Variants in LGSN observed in about 807,000 individuals in gnomAD.
LGSN encodes the protein lengsin.
A neutral mutation model predicts 19.5 loss-of-function variants in LGSN; 21 were observed. That is an observed-to-expected ratio of 1.07 (90% CI 0.76 to 1.55). The LOEUF (loss-of-function observed/expected upper bound fraction) is 1.55, where lower values mean the gene tolerates loss of function less well. Among genes scored for constraint, LGSN ranks in the 40% most tolerant of loss-of-function variants. The pLI, the probability that LGSN is intolerant of heterozygous loss-of-function variation, is 0.00. For missense variants in LGSN, 673 were observed against 608.5 expected (o/e 1.11, Z -1.12); for synonymous variants, 257 against 215.6 (o/e 1.19, Z -1.68).
the LGSN span, among the ~76,000 whole-genome samples, chr6:63,471,509 T>C: frequency 6.6e-6 from 1 of 151,406 alleles, no homozygotes; most frequent in African/African-American, 2.4e-5. Flanking sequence ...CTACTAAAAA[T>C]ACAAAAATTA....
upstream of LGSN, among the ~76,000 whole-genome samples, chr6:63,323,891 CCTCCCAGA>C (rs1212049417): frequency 6.6e-6 from 1 of 151,482 alleles, no homozygotes; most frequent in African/African-American, 2.4e-5. Context: ...CCTGCCTCAG[CCTCCCAGA>C]TAGCTGGGAT....
chr6:63,554,477 C>T, the LGSN span, among the ~76,000 whole-genome samples: 1 of 152,122 alleles, frequency 6.6e-6, no homozygotes, highest in African/African-American at 2.4e-5. Context: ...TCTCAGCCTT[C>T]CCATAGCACA....
chr6:63,527,619 T>C, the LGSN span, among the ~76,000 whole-genome samples: 1 of 152,224 alleles, frequency 6.6e-6, no homozygotes, highest in Non-Finnish European at 1.5e-5. Context: ...CGGTGACAAC[T>C]CTTCCATTTT....
chr6:63,367,200 G>A, the LGSN span, among the ~76,000 whole-genome samples: 1 of 152,120 alleles, frequency 6.6e-6, no homozygotes, highest in Non-Finnish European at 1.5e-5. Flanking sequence ...ATCTGACAAA[G>A]GGCTAATATC....
At chr6:63,460,039 G>T in the LGSN span, among the ~76,000 whole-genome samples, 54 of 150,174 alleles carry the variant, frequency 3.6e-4, no homozygotes, top group Non-Finnish European at 1.2e-4. Context: ...TCTCCTTCTG[G>T]GCCTTTTCCA....
chr6:63,390,764 C>T, the LGSN span, among the ~76,000 whole-genome samples: 4 of 148,380 alleles, frequency 2.7e-5, no homozygotes, highest in East Asian at 8.0e-4. Flanking sequence ...GAGGCTGAGG[C>T]AGGAGAATGG....
the LGSN span, among the ~76,000 whole-genome samples, chr6:63,490,900 A>T: frequency 6.6e-6 from 1 of 152,162 alleles, no homozygotes; most frequent in Admixed American, 6.6e-5. Context: ...AAAAGTGCAG[A>T]TATCCAAGGG....
upstream of LGSN, among the ~76,000 whole-genome samples, chr6:63,324,362 G>A (rs930970734): frequency 2.0e-5 from 3 of 152,156 alleles, no homozygotes; most frequent in Non-Finnish European, 4.4e-5. Flanking sequence ...TTCCTTTTGT[G>A]CAAAATGTGG....
chr6:63,526,085 G>A, the LGSN span, among the ~76,000 whole-genome samples: 25 of 152,166 alleles, frequency 1.6e-4, no homozygotes, highest in Middle Eastern at 3.4e-3. Context: ...AACATTTTAG[G>A]AGGCCAAGGC....
At chr6:63,573,005 G>GGTCC in the LGSN span, among the ~76,000 whole-genome samples, 1 of 152,118 alleles carries the variant, frequency 6.6e-6, no homozygotes, top group Non-Finnish European at 1.5e-5. Flanking sequence ...GGGGCGGCGC[G>GGTCC]GTCCGGCTTC....
At chr6:63,416,567 TTTG>T in the LGSN span, among the ~76,000 whole-genome samples, 5 of 152,256 alleles carry the variant, frequency 3.3e-5, no homozygotes, top group South Asian at 2.1e-4. Flanking sequence ...ACATAGTTTT[TTTG>T]TTGTTGTTGT....
At chr6:63,295,106 T>A in intron 1 of LGSN, 61 bp from the exon 2 acceptor site, 3 of 1,504,946 alleles carry the variant, frequency 2.0e-6, no homozygotes, top group Non-Finnish European at 2.8e-6. Flanking sequence ...GATATTTGGA[T>A]GTCGAAAGAG....
chr6:63,401,237 TA>T, the LGSN span, among the ~76,000 whole-genome samples: 179 of 141,128 alleles, frequency 1.3e-3, no homozygotes, highest in Admixed American at 1.9e-3. Flanking sequence ...TGCCAAAAAT[TA>T]AAAAAAAAAA....
the LGSN span, among the ~76,000 whole-genome samples, chr6:63,468,150 G>A: frequency 6.6e-6 from 1 of 151,972 alleles, no homozygotes; most frequent in Non-Finnish European, 1.5e-5. Flanking sequence ...ATTTATTTGA[G>A]ACAGAGTTTC....
the LGSN span, among the ~76,000 whole-genome samples, chr6:63,380,346 GA>G: frequency 6.6e-6 from 1 of 152,192 alleles, no homozygotes; most frequent in Non-Finnish European, 1.5e-5. Context: ...ATACAGAATA[GA>G]AAGCAATAAC....
At chr6:63,474,385 G>T in the LGSN span, among the ~76,000 whole-genome samples, 2 of 152,088 alleles carry the variant, frequency 1.3e-5, no homozygotes, top group African/African-American at 4.8e-5. Context: ...AAGGTGGGCG[G>T]ATCACGAGGT....
the LGSN span, among the ~76,000 whole-genome samples, chr6:63,552,686 T>C: frequency 6.6e-6 from 1 of 152,250 alleles, no homozygotes; most frequent in Non-Finnish European, 1.5e-5. Flanking sequence ...TTTAAGTCTT[T>C]AATCCATCTT....
intron 1 of LGSN, among the ~76,000 whole-genome samples, chr6:63,310,585 A>C (rs1022311662): frequency 6.6e-6 from 1 of 152,186 alleles, no homozygotes; most frequent in African/African-American, 2.4e-5. Flanking sequence ...ATTTCTCAAC[A>C]TAAGCTCTAT....
At chr6:63,535,806 G>A in the LGSN span, among the ~76,000 whole-genome samples, 1 of 152,118 alleles carries the variant, frequency 6.6e-6, no homozygotes, top group African/African-American at 2.4e-5. Flanking sequence ...GGCTGGCCAC[G>A]ATGGCTCATG....
Sources: gnomAD v4.1 joint callset for allele counts (sites outside exome capture counted in the v4.1 genomes callset) on GRCh38, gnomAD v4.1.1 for gene constraint, MANE v1.5 for transcripts, NCBI Gene and HGNC (gene_info 2026-07-23, HGNC 2026-07-21) for gene names.